The following CDH3 variants were observed in gnomAD, a reference collection of about 807,000 sequenced individuals.
The protein encoded by CDH3 is cadherin 3, also known as cadherin-3.
CDH3 carries 54 observed loss-of-function variants against 82.0 expected under a neutral mutation model. The ratio of observed to expected loss-of-function variants is 0.66; its 90% CI spans 0.53 to 0.83. The LOEUF (loss-of-function observed/expected upper bound fraction) is 0.83. Among genes scored for constraint, CDH3 ranks in the 40% least tolerant of loss-of-function variants. The pLI is 0.00. For synonymous variants in CDH3, 446 were observed against 437.9 expected (o/e 1.02, Z -0.23); for missense variants, 1,054 against 1,084.6 (o/e 0.97, Z 0.40).
chr16:68,693,483 T>G (rs559577183), intron 13 of CDH3, among the ~76,000 whole-genome samples: 3 of 152,260 alleles, frequency 2.0e-5, no homozygotes, highest in African/African-American at 7.2e-5. Context: ...CGCAAGGCTT[T>G]CGGCTTAAGG....
chr16:68,685,685 T>C (rs1680844509), intron 11 of CDH3, among the ~76,000 whole-genome samples: 1 of 152,088 alleles, frequency 6.6e-6, no homozygotes, highest in South Asian at 2.1e-4. Flanking sequence ...TGTGCACCTG[T>C]AGTCCCAGCT....
intron 2 of CDH3, among the ~76,000 whole-genome samples, chr16:68,666,103 G>C (rs552331468): frequency 6.6e-6 from 1 of 151,848 alleles, no homozygotes; most frequent in African/African-American, 2.4e-5. Context: ...CAGAGGGCCC[G>C]AGTCTGAATG....
intron 2 of CDH3, among the ~76,000 whole-genome samples, chr16:68,668,011 A>C (rs910051566): frequency 2.0e-5 from 3 of 152,164 alleles, no homozygotes; most frequent in African/African-American, 7.2e-5. Context: ...ATTTTAGGGA[A>C]TGTACATTTA....
At chr16:68,725,991 G>A (rs923943169) in intron 2 of CDH3, among the ~76,000 whole-genome samples, 4 of 152,106 alleles carry the variant, frequency 2.6e-5, no homozygotes, top group South Asian at 2.1e-4. Flanking sequence ...GGAGGCAGAC[G>A]GAGGTTGCAG....
At chr16:68,729,760 T>A (rs1597833663), downstream of CDH3, among the ~76,000 whole-genome samples, 1 of 152,008 alleles carries the variant, frequency 6.6e-6, no homozygotes, top group East Asian at 1.9e-4. Flanking sequence ...GCCTCCCTAG[T>A]AGCTGGGACC....
chr16:68,652,275 ACT>A (rs1261667989), intron 2 of CDH3, among the ~76,000 whole-genome samples: 18 of 151,584 alleles, frequency 1.2e-4, no homozygotes, highest in Non-Finnish European at 1.8e-4. Context: ...CTTGCTGAAA[ACT>A]CTGTCCTGCA....
intron 1 of CDH3, among the ~76,000 whole-genome samples, chr16:68,715,721 G>T (rs947889783): frequency 4.6e-5 from 7 of 152,202 alleles, no homozygotes; most frequent in South Asian, 2.1e-4. Flanking sequence ...CCTGGGAATG[G>T]TTAACATTGC....
chr16:68,673,123 A>G (rs896645127), intron 2 of CDH3, among the ~76,000 whole-genome samples: 1 of 152,180 alleles, frequency 6.6e-6, no homozygotes, highest in Non-Finnish European at 1.5e-5. Flanking sequence ...ATTATAATAC[A>G]TAGGTTTTGG....
intron 12 of CDH3, 42 bp from the exon 13 acceptor site, chr16:68,691,678 A>G (rs1425450967): frequency 4.0e-6 from 6 of 1,500,700 alleles, no homozygotes; most frequent in Non-Finnish European, 5.6e-6. Context: ...AGATCCCCGC[A>G]CTGATGGTTC....
At chr16:68,685,977 G>A (rs943801290) in intron 11 of CDH3, among the ~76,000 whole-genome samples, 2 of 152,154 alleles carry the variant, frequency 1.3e-5, no homozygotes, top group Admixed American at 1.3e-4. Context: ...GCTGGCCTGA[G>A]AAACATACAG....
At chr16:68,645,809 A>G in intron 2 of CDH3, 59 bp downstream of exon 2, 1 of 1,325,568 alleles carries the variant, frequency 7.5e-7, no homozygotes, top group Non-Finnish European at 1.0e-6. Context: ...TTTGGTGTGG[A>G]CCGCGCGAGG....
intron 6 of CDH3, among the ~76,000 whole-genome samples, chr16:68,679,486 A>C (rs979534428): frequency 5.9e-5 from 9 of 152,082 alleles, no homozygotes; most frequent in Non-Finnish European, 1.2e-4. Flanking sequence ...TGAGATCAGG[A>C]GTTTAAGACC....
intron 13 of CDH3, among the ~76,000 whole-genome samples, chr16:68,693,567 G>A (rs1192790527): frequency 6.6e-6 from 1 of 152,150 alleles, no homozygotes. Context: ...TCCAAGTGGA[G>A]GTGTCAGTAG....
intron 2 of CDH3, among the ~76,000 whole-genome samples, chr16:68,650,048 A>G (rs1164013503): frequency 6.6e-6 from 1 of 151,788 alleles, no homozygotes; most frequent in Non-Finnish European, 1.5e-5. Flanking sequence ...AAAAAAAAAA[A>G]ACCTGAGGAC....
chr16:68,660,515 A>G (rs1021409117), intron 2 of CDH3, among the ~76,000 whole-genome samples: 4 of 152,228 alleles, frequency 2.6e-5, no homozygotes, highest in African/African-American at 7.2e-5. Flanking sequence ...TTGCTGAATA[A>G]AAGTTGATTT....
intron 15 of CDH3, 145 bp from the exon 16 acceptor site, chr16:68,698,031 CCTGAGTGAATGAATT>C (rs1401349627): frequency 9.5e-6 from 7 of 737,782 alleles, no homozygotes; most frequent in Non-Finnish European, 1.7e-5. Context: ...TCTGCTGGTC[CCTGAGTGAATGAATT>C]CTGCATGAAT....
Position 68,684,614 on chromosome 16 carries a change from C to T in CDH3, c.1214C>T (p.Thr405Ile), listed in dbSNP as rs746238967. 9 of 1,614,084 alleles carry T rather than the reference C, an allele frequency of 5.6e-6. No homozygotes were observed. In the Admixed American group the frequency reaches 1.3e-4, roughly 24 times the overall value. Residue 405 changes from threonine (T) to isoleucine (I), a missense_variant, in exon 10 of 16, where the codon ACC (threonine) becomes ATC (isoleucine). Physicochemically the swap from Thr to Ile is moderately conservative, Grantham distance 89. Transcript: ENST00000264012. The part of the protein sequence containing the change: ...GLDFEAKNQH[T>I]LYVEVTNEAP... Reference sequence around the variant, plus strand: ...GATTTTGAGGCCAAAAACCAGCACACCCTGTACGTTGAAGTGACCAACGAG... The same window carrying T: ...GATTTTGAGGCCAAAAACCAGCACATCCTGTACGTTGAAGTGACCAACGAG...
At chr16:68,705,859 A>T (rs1026693456) in intron 1 of CDH3, among the ~76,000 whole-genome samples, 7 of 151,500 alleles carry the variant, frequency 4.6e-5, no homozygotes, top group African/African-American at 1.5e-4. Context: ...AGGTCAAGAG[A>T]TCGAGACCAT....
At chr16:68,684,415 C>T (rs962622415) in intron 9 of CDH3, among the ~76,000 whole-genome samples, 168 bp from the exon 10 acceptor site, 1 of 152,172 alleles carries the variant, frequency 6.6e-6, no homozygotes, top group African/African-American at 2.4e-5. Flanking sequence ...ATTAGATGTG[C>T]ACTCAGGAAA....
Sources: allele counts gnomAD v4.1 joint callset (sites outside exome capture counted in the v4.1 genomes callset), GRCh38; gene constraint gnomAD v4.1.1; transcripts MANE v1.5; gene names NCBI Gene and HGNC (gene_info 2026-07-23, HGNC 2026-07-21).